Variants in PCDHGA1 observed in about 807,000 individuals in gnomAD.
The protein encoded by PCDHGA1 is protocadherin gamma-A1.
In PCDHGA1, 32 loss-of-function variants were observed where a neutral mutation model predicts 58.0. The observed-to-expected ratio is 0.55, with a 90% confidence interval of 0.42 to 0.74. The LOEUF is 0.74. Among genes scored for constraint, PCDHGA1 ranks in the 30% least tolerant of loss-of-function variants. The pLI is 0.00. For missense variants in PCDHGA1, 1,205 were observed against 1,182.3 expected (o/e 1.02, Z -0.28); for synonymous variants, 498 against 501.1 (o/e 0.99, Z 0.08).
intron 1 of PCDHGA1, chr5:141,427,787 C>A (rs2097070880): frequency 6.8e-7 from 1 of 1,478,064 alleles, no homozygotes; most frequent in Non-Finnish European, 9.4e-7. Context: ...CACTGTCGTC[C>A]TACGTGTCCG....
At position 141,431,209 on chromosome 5, in the gene PCDHGA1, G is replaced by C; in HGVS notation, c.2422-63598G>C. Reference sequence around the variant, plus strand: ...TTAGTGAAAATGCAGCCACTGAGATGCGGTTCCCTCTACCCCACGCCTGGG... The same window carrying C: ...TTAGTGAAAATGCAGCCACTGAGATCCGGTTCCCTCTACCCCACGCCTGGG... On this transcript the variant is annotated intron_variant, in intron 1 of 3. Coordinates refer to ENST00000517417, the MANE Select transcript of PCDHGA1 (RefSeq NM_018912.3). The surrounding 1 kb of genome is among the most constrained non-coding windows in gnomAD (Gnocchi z 4.8). 6.2e-7 allele frequency: 1 copy of C among 1,614,190 alleles called. No homozygotes were observed. Among genetic ancestry groups the C allele is most frequent in the Non-Finnish European group, 8.5e-7 (1 of 1,180,038 alleles).
At chr5:141,393,589 C>T (rs1050679940) in intron 1 of PCDHGA1, 2 of 1,613,920 alleles carry the variant, frequency 1.2e-6, no homozygotes, top group Non-Finnish European at 1.7e-6. Flanking sequence ...CCCCCAGGCA[C>T]GCGGCTGCTT....
chr5:141,366,518 A>G lies in PCDHGA1; in HGVS notation c.2421+33413A>G, dbSNP rs202129179. On this transcript the variant is annotated intron_variant, in intron 1 of 3. Coordinates refer to ENST00000517417, the MANE Select transcript of PCDHGA1 (RefSeq NM_018912.3). ...GTCACGCCTGCTTCAGGCTGAAGGC[A>G]GCAGGTTGGCGGGTGTGCCCGCCTC... 2.2e-4 allele frequency: 362 copies of G among 1,614,126 alleles called. 1 individual carries two copies. Among genetic ancestry groups the G allele is most frequent in the Non-Finnish European group, 2.9e-4 (339 of 1,180,048 alleles).
intron 2 of PCDHGA1, among the ~76,000 whole-genome samples, chr5:141,502,239 A>G (rs2099813426): frequency 6.6e-6 from 1 of 152,148 alleles, no homozygotes; most frequent in Admixed American, 6.5e-5. Flanking sequence ...GTGTTCTTTT[A>G]TCCTTTTTTT....
intron 1 of PCDHGA1, chr5:141,426,748 C>T: frequency 2.2e-6 from 1 of 455,172 alleles, no homozygotes; most frequent in African/African-American, 2.0e-5. Context: ...GGCCTGGAAT[C>T]TGCTATAGAT....
chr5:141,404,180 C>A (rs774534952), intron 1 of PCDHGA1: 10 of 1,613,196 alleles, frequency 6.2e-6, no homozygotes, highest in Non-Finnish European at 8.5e-6. Flanking sequence ...GGCCCAAATT[C>A]TTGACCGAGA....
intron 1 of PCDHGA1, among the ~76,000 whole-genome samples, chr5:141,444,463 G>T (rs570185430): frequency 6.6e-6 from 1 of 152,144 alleles, no homozygotes; most frequent in Admixed American, 6.5e-5. Flanking sequence ...GAGTCACTGC[G>T]CCCGGTCGCG....
Position 141,511,410 on chromosome 5 carries a change from T to TA in PCDHGA1, c.*238dup. On this transcript the variant is annotated 3_prime_UTR_variant, in exon 4 of 4. Coordinates refer to ENST00000517417, the MANE Select transcript of PCDHGA1 (RefSeq NM_018912.3). ...GGAACCCCCATCCAATCAACTGCTG[T>TA]ACCCATGGGGGTAGTGGGGTTACTG... The TA allele has an allele frequency of 1.1e-6, 1 of 908,822 alleles. No homozygotes were observed. The highest frequency in any genetic ancestry group is 1.6e-6 in the Non-Finnish European group (1 of 624,204). 56.3% of individuals were successfully genotyped at this position (908,822 alleles called of 1,614,324 possible).
At chr5:141,484,054 G>A (rs1192214731) in intron 1 of PCDHGA1, among the ~76,000 whole-genome samples, 4 of 152,044 alleles carry the variant, frequency 2.6e-5, no homozygotes, top group African/African-American at 9.7e-5. Flanking sequence ...AGGTCCCCTG[G>A]GGCTAAGTGA....
At chr5:141,409,916 T>C (rs762510018) in intron 1 of PCDHGA1, 3 of 1,613,298 alleles carry the variant, frequency 1.9e-6, no homozygotes, top group Non-Finnish European at 2.5e-6. Flanking sequence ...TCCTGACGGC[T>C]CCGCGTTCTT....
Position 141,485,870 on chromosome 5 carries a change from C to T in PCDHGA1, c.2422-8937C>T. The stretch of plus-strand genomic sequence containing the variant: ...CACCGCAGAGCTCCGGGTATCCGTG[C>T]TGGACGTAAACGACAACGCCCCAGC... On this transcript the variant is annotated intron_variant, in intron 1 of 3. Coordinates refer to ENST00000517417, the MANE Select transcript of PCDHGA1 (RefSeq NM_018912.3). This position sits in a 1 kb window ranked among gnomAD's most constrained non-coding sequence, Gnocchi z 5.7. 6.2e-7 allele frequency: 1 copy of T among 1,614,174 alleles called. No homozygotes were observed. The highest frequency in any genetic ancestry group is 8.5e-7 in the Non-Finnish European group (1 of 1,180,032).
At chr5:141,397,627 T>C (rs2093547800) in intron 1 of PCDHGA1, among the ~76,000 whole-genome samples, 1 of 152,224 alleles carries the variant, frequency 6.6e-6, no homozygotes, top group African/African-American at 2.4e-5. Context: ...TAGTTCTAGC[T>C]AAGAGTTCAA....
chr5:141,390,034 C>A, intron 1 of PCDHGA1: 2 of 1,614,066 alleles, frequency 1.2e-6, no homozygotes, highest in Non-Finnish European at 1.7e-6. Context: ...CGACGCTCCT[C>A]CAGCCCCGCC....
At chr5:141,426,517 A>G (rs893782433) in intron 1 of PCDHGA1, 5 of 343,020 alleles carry the variant, frequency 1.5e-5, no homozygotes, top group African/African-American at 2.1e-5. Context: ...CTTTACCGTG[A>G]ACACGGAGAA....
chr5:141,445,564 G>A (rs564704836), intron 1 of PCDHGA1, among the ~76,000 whole-genome samples: 20 of 152,306 alleles, frequency 1.3e-4, no homozygotes, highest in Admixed American at 1.2e-3. Context: ...CTAAGAGAAA[G>A]CTTATAGTAG....
Position 141,490,909 on chromosome 5 carries a change from G to T in PCDHGA1, c.2422-3898G>T. 4 of 1,613,744 alleles carry T rather than the reference G, an allele frequency of 2.5e-6. No individual in the cohort carries two copies. Among genetic ancestry groups the T allele is most frequent in the Non-Finnish European group, 3.4e-6 (4 of 1,179,762 alleles). ...ATCTCTGCATGTGTTTGTCCTAGAC[G>T]AGAATGATAATGCCCCAGCTGTGCT... On this transcript the variant is annotated intron_variant, in intron 1 of 3. Transcript: ENST00000517417. The surrounding 1 kb of genome is among the most constrained non-coding windows in gnomAD (Gnocchi z 5.4).
At chr5:141,372,589 G>A in intron 1 of PCDHGA1, 1 of 1,614,030 alleles carries the variant, frequency 6.2e-7, no homozygotes, top group Non-Finnish European at 8.5e-7. Context: ...CCTGGTGTCT[G>A]CTTCAAGACT....
chr5:141,492,911 G>A (rs1008138353), intron 1 of PCDHGA1, among the ~76,000 whole-genome samples: 1 of 152,216 alleles, frequency 6.6e-6, no homozygotes, highest in Admixed American at 6.5e-5. Context: ...TGATCACAAT[G>A]TGCCCAGCGA....
chr5:141,421,073 G>A (rs2096544393), intron 1 of PCDHGA1: 4 of 613,858 alleles, frequency 6.5e-6, no homozygotes, highest in Non-Finnish European at 1.1e-5. Flanking sequence ...GGAATGAGAT[G>A]GATACTCACA....
Sources: gnomAD v4.1 joint callset for allele counts (sites outside exome capture counted in the v4.1 genomes callset) on GRCh38, gnomAD v4.1.1 for gene constraint, Gnocchi (gnomAD v3.1) non-coding constraint, MANE v1.5 for transcripts, NCBI Gene and HGNC (gene_info 2026-07-23, HGNC 2026-07-21) for gene names.